MAD2L2: variants seen among roughly 807,000 people sequenced by gnomAD.
The protein encoded by MAD2L2 is mitotic spindle assembly checkpoint protein MAD2B.
In MAD2L2, 17 loss-of-function variants were observed where a neutral mutation model predicts 30.5. That is an observed-to-expected ratio of 0.56 (90% CI 0.38 to 0.84). The LOEUF is 0.84. MAD2L2 is among the 40% of genes least tolerant of loss of function. The pLI is 0.00. For missense variants in MAD2L2, 213 were observed against 277.4 expected (o/e 0.77, Z 1.65); for synonymous variants, 101 against 113.9 (o/e 0.89, Z 0.72).
chr1:11,678,310 C>A (rs1440553734), intron 3 of MAD2L2, among the ~76,000 whole-genome samples: 1 of 151,930 alleles, frequency 6.6e-6, no homozygotes, highest in African/African-American at 2.4e-5. Context: ...ACTTGGGAGG[C>A]TGAGGCAGGA....
chr1:11,682,696 G>T (rs923411380), upstream of MAD2L2, among the ~76,000 whole-genome samples: 7 of 152,110 alleles, frequency 4.6e-5, no homozygotes, highest in Admixed American at 2.6e-4. Flanking sequence ...CCAGGGGCCC[G>T]GATGCCCAGC....
chr1:11,684,708 C>A (rs1258307043), upstream of MAD2L2, among the ~76,000 whole-genome samples: 1 of 152,110 alleles, frequency 6.6e-6, no homozygotes, highest in Non-Finnish European at 1.5e-5. Flanking sequence ...AGGCTGATGG[C>A]AGAATGAATC....
At chr1:11,683,167 G>A (rs1640904737), upstream of MAD2L2, among the ~76,000 whole-genome samples, 10 of 152,296 alleles carry the variant, frequency 6.6e-5, no homozygotes, top group South Asian at 2.1e-3. Context: ...ATGGCCTTCA[G>A]GACACAGTGT....
At chr1:11,675,988 A>C (rs2100706687) in intron 6 of MAD2L2, 58 bp downstream of exon 6, 2 of 1,461,520 alleles carry the variant, frequency 1.4e-6, no homozygotes, top group Non-Finnish European at 1.9e-6. Context: ...GGGAACACAG[A>C]CCAACCCGAG....
chr1:11,689,132 C>T (rs896551585), intron 1 of MAD2L2, among the ~76,000 whole-genome samples: 5 of 152,002 alleles, frequency 3.3e-5, no homozygotes, highest in East Asian at 1.9e-4. Flanking sequence ...CCTGTCTCTA[C>T]TAAAAATACA....
In MAD2L2 at chr1:11,687,315, A is replaced by G. The variant is rs888735060; in HGVS notation, c.-692+4098T>C. ...AGGGCGGTGGTGCAATCTCGGCTCAATGAAATCTCTGCCTCCCCGATTCAA... is the reference window on the plus strand; with the variant it reads ...AGGGCGGTGGTGCAATCTCGGCTCAGTGAAATCTCTGCCTCCCCGATTCAA... On this transcript the variant is annotated intron_variant, in intron 1 of 10. Transcript: ENST00000235310. This position sits in a 1 kb window ranked among gnomAD's most constrained non-coding sequence, Gnocchi z 4.1. 6.6e-6 allele frequency among the ~76,000 whole-genome samples: 1 copy of G among 152,040 alleles called. No individual in the cohort carries two copies. The highest frequency in any genetic ancestry group is 1.5e-5 in the Non-Finnish European group (1 of 68,002).
At chr1:11,684,454 A>C (rs1640927024), upstream of MAD2L2, among the ~76,000 whole-genome samples, 1 of 152,054 alleles carries the variant, frequency 6.6e-6, no homozygotes, top group African/African-American at 2.4e-5. Context: ...GGGGAGCAAG[A>C]GTTTATTTGC....
intron 1 of MAD2L2, among the ~76,000 whole-genome samples, chr1:11,691,061 AC>A (rs1272115364): frequency 6.6e-6 from 1 of 151,390 alleles, no homozygotes; most frequent in Non-Finnish European, 1.5e-5. Flanking sequence ...GACCCTTTGT[AC>A]CCCTACATCC....
rs1380941336 is a variant in MAD2L2 at position 11,677,345 on chromosome 1, TGA to T, written c.231+196_231+197del. 2.1e-5 allele frequency: 13 copies of T among 620,166 alleles called. No individual in the cohort carries two copies. The East Asian group carries it at 3.0e-4, about 14-fold the overall frequency. 38.4% of individuals were successfully genotyped at this position (620,166 alleles called of 1,614,324 possible). ...CCGGGCTCCCAGGCCCAAGGCACCC[TGA>T]ACATGGCCCGCATGCCTTGGGGCCT... On this transcript the variant is annotated intron_variant, in intron 4 of 8. Coordinates refer to ENST00000376692, the MANE Select transcript of MAD2L2 (RefSeq NM_006341.4).
chr1:11,685,153 T>C (rs1241805978), upstream of MAD2L2, among the ~76,000 whole-genome samples: 1 of 152,158 alleles, frequency 6.6e-6, no homozygotes, highest in Non-Finnish European at 1.5e-5. Flanking sequence ...GGTCTCGAAC[T>C]CCTGGGCTCA....
At chr1:11,677,434 A>C in intron 4 of MAD2L2, 109 bp downstream of exon 4, 1 of 1,075,510 alleles carries the variant, frequency 9.3e-7, no homozygotes, top group Non-Finnish European at 1.4e-6. Flanking sequence ...TGGAGCCATG[A>C]AGACCCCACA....
At chr1:11,676,305 G>A (rs545791824) in intron 5 of MAD2L2, among the ~76,000 whole-genome samples, 165 bp from the exon 6 acceptor site, 1 of 152,276 alleles carries the variant, frequency 6.6e-6, no homozygotes, top group Admixed American at 6.5e-5. Flanking sequence ...AAACCAGCAA[G>A]GGAGTTTAAA....
In MAD2L2 at chr1:11,688,639, C is replaced by T. The variant is rs1021502038; in HGVS notation, c.-692+2774G>A. Among the ~76,000 whole-genome samples the T allele has an allele frequency of 6.6e-6, 1 of 152,154 alleles. No homozygotes were observed. The highest frequency in any genetic ancestry group is 1.5e-5 in the Non-Finnish European group (1 of 68,040). On this transcript the variant is annotated intron_variant, in intron 1 of 10. Transcript: ENST00000235310. This position sits in a 1 kb window ranked among gnomAD's most constrained non-coding sequence, Gnocchi z 4.6. The stretch of plus-strand genomic sequence containing the variant: ...CATGTCTCTGCTCTGCTCATGGTCC[C>T]TCTAAAAAGCTCAAGTCCTCCCTGT...
intron 1 of MAD2L2, 144 bp from the exon 2 acceptor site, chr1:11,680,757 G>A (rs1640861017): frequency 2.2e-6 from 3 of 1,372,192 alleles, no homozygotes; most frequent in African/African-American, 3.0e-5. Flanking sequence ...GCAGCTGGAA[G>A]AACCTCCACC....
chr1:11,680,698 A>C (rs1370810912), intron 1 of MAD2L2, 85 bp from the exon 2 acceptor site: 2 of 1,486,116 alleles, frequency 1.3e-6, no homozygotes, highest in East Asian at 2.4e-5. Context: ...TTCCCTCCCC[A>C]CAGTCTGTGG....
In MAD2L2 at chr1:11,687,573, C is replaced by T. The variant is rs1429240872; in HGVS notation, c.-692+3840G>A. 1.3e-5 allele frequency among the ~76,000 whole-genome samples: 2 copies of T among 151,980 alleles called. No individual in the cohort carries two copies. Among genetic ancestry groups the T allele is most frequent in the African/African-American group, 4.8e-5 (2 of 41,374 alleles). ...AAAATTTTCTGTAGAGAAGGGGTCTCACTATGTTGCCAGGCTGGTCTCCAA... is the reference window on the plus strand; with the variant it reads ...AAAATTTTCTGTAGAGAAGGGGTCTTACTATGTTGCCAGGCTGGTCTCCAA... On this transcript the variant is annotated intron_variant, in intron 1 of 10. Coordinates refer to the MAD2L2 transcript ENST00000235310. This position sits in a 1 kb window ranked among gnomAD's most constrained non-coding sequence, Gnocchi z 4.1.
At chr1:11,677,264 A>C in intron 4 of MAD2L2, 1 of 596,276 alleles carries the variant, frequency 1.7e-6, no homozygotes, top group Non-Finnish European at 3.0e-6. Flanking sequence ...CAGGGGACGG[A>C]TGTGAGAAGA....
upstream of MAD2L2, among the ~76,000 whole-genome samples, chr1:11,685,540 C>T (rs540759067): frequency 7.2e-5 from 11 of 152,292 alleles, no homozygotes; most frequent in East Asian, 1.3e-3. Context: ...TAACCAGCTG[C>T]GAGGCCCTTC....
In MAD2L2 at chr1:11,688,482, A is replaced by G. The variant is rs532499556; in HGVS notation, c.-692+2931T>C. On this transcript the variant is annotated intron_variant, in intron 1 of 10. Transcript: ENST00000235310. The surrounding 1 kb of genome is among the most constrained non-coding windows in gnomAD (Gnocchi z 4.6). ...AAGCTGAGGCAGGCGAATCGCTTGA[A>G]CTTGGGAGGCAGAGGTTGCAGTGAG... Among the ~76,000 whole-genome samples the G allele has an allele frequency of 3.7e-4, 57 of 152,132 alleles. 1 individual carries two copies. Among genetic ancestry groups the G allele is most frequent in the South Asian group, 2.3e-3 (11 of 4,824 alleles).
Sources: allele counts gnomAD v4.1 joint callset (sites outside exome capture counted in the v4.1 genomes callset), GRCh38; gene constraint gnomAD v4.1.1; non-coding constraint Gnocchi (gnomAD v3.1); transcripts MANE v1.5; gene names NCBI Gene and HGNC (gene_info 2026-07-23, HGNC 2026-07-21).